Variants in EPHB2 observed in about 807,000 individuals in gnomAD.
EPHB2 encodes EPH receptor B2, also known as ephrin type-B receptor 2.
In EPHB2, 18 loss-of-function variants were observed where a neutral mutation model predicts 96.4. The observed-to-expected ratio is 0.19, with a 90% CI of 0.13 to 0.28. EPHB2 has a LOEUF of 0.28. Ranked by LOEUF, EPHB2 falls within the 10% of genes least tolerant of loss-of-function variation. The pLI is 1.00. For synonymous variants in EPHB2, 506 were observed against 534.1 expected, an observed-to-expected ratio of 0.95 and a Z score of 0.72; for missense variants, 989 against 1,355.4, an observed-to-expected ratio of 0.73 and a Z score of 4.25.
chr1:22,893,126 C>T (rs1639447342), intron 7 of EPHB2, 80 bp downstream of exon 7: 1 of 1,606,938 alleles, frequency 6.2e-7, no homozygotes, highest in South Asian at 1.1e-5. Context: ...TCTCATGAAG[C>T]ACCTTTGTGC....
chr1:22,761,572 G>C (rs553830910), intron 1 of EPHB2, among the ~76,000 whole-genome samples: 1 of 152,172 alleles, frequency 6.6e-6, no homozygotes, highest in Non-Finnish European at 1.5e-5. Context: ...CTGAGCCTCC[G>C]TTCCCTTGTC....
intron 1 of EPHB2, among the ~76,000 whole-genome samples, chr1:22,747,098 A>G (rs1643986847): frequency 6.6e-6 from 1 of 152,176 alleles, no homozygotes; most frequent in African/African-American, 2.4e-5. Flanking sequence ...TCACACAGCC[A>G]AACTCGGGTT....
At chr1:22,806,271 C>T (rs1434670574) in intron 3 of EPHB2, among the ~76,000 whole-genome samples, 2 of 152,242 alleles carry the variant, frequency 1.3e-5, no homozygotes, top group East Asian at 1.9e-4. Flanking sequence ...AGTGATGTAA[C>T]TTGCCCAAGT....
At chr1:22,736,463 C>T (rs1056176159) in intron 1 of EPHB2, among the ~76,000 whole-genome samples, 2 of 152,192 alleles carry the variant, frequency 1.3e-5, no homozygotes, top group African/African-American at 4.8e-5. Context: ...AGCCGAGGCT[C>T]TGTTTAGCAG....
At chr1:22,854,444 C>T (rs942889783) in intron 3 of EPHB2, among the ~76,000 whole-genome samples, 2 of 152,086 alleles carry the variant, frequency 1.3e-5, no homozygotes, top group African/African-American at 4.8e-5. Flanking sequence ...CCCAGGAAGT[C>T]GAGGCTGCAG....
At chr1:22,729,279 A>G in intron 1 of EPHB2, among the ~76,000 whole-genome samples, 1 of 152,288 alleles carries the variant, frequency 6.6e-6, no homozygotes, top group East Asian at 1.9e-4. Context: ...GAAGGAGATG[A>G]CCTTTTGTCT....
intron 5 of EPHB2, among the ~76,000 whole-genome samples, chr1:22,866,746 C>T (rs1638491873): frequency 6.6e-6 from 1 of 151,958 alleles, no homozygotes; most frequent in Non-Finnish European, 1.5e-5. Flanking sequence ...CCAACCTGGC[C>T]AACATGGTGA....
chr1:22,722,042 G>A (rs1228714755), intron 1 of EPHB2, among the ~76,000 whole-genome samples: 1 of 152,188 alleles, frequency 6.6e-6, no homozygotes. Context: ...CTGCCTCCCA[G>A]GTTCAAGCAA....
intron 5 of EPHB2, among the ~76,000 whole-genome samples, chr1:22,881,613 C>T (rs1051925035): frequency 6.8e-6 from 1 of 147,092 alleles, no homozygotes; most frequent in African/African-American, 2.7e-5. Context: ...CCACTCTTTG[C>T]GACAGAGTTT....
chr1:22,848,846 G>A (rs1570380903), intron 3 of EPHB2, among the ~76,000 whole-genome samples: 1 of 152,168 alleles, frequency 6.6e-6, no homozygotes, highest in African/African-American at 2.4e-5. Context: ...GGGGGATACA[G>A]TGGTTCTGGA....
intron 1 of EPHB2, among the ~76,000 whole-genome samples, chr1:22,747,624 G>A (rs1643994830): frequency 6.6e-6 from 1 of 152,226 alleles, no homozygotes; most frequent in Non-Finnish European, 1.5e-5. Flanking sequence ...AGCTGGCATT[G>A]CCAGACCCCC....
At chr1:22,848,246 T>C (rs1324588308) in intron 3 of EPHB2, among the ~76,000 whole-genome samples, 2 of 152,096 alleles carry the variant, frequency 1.3e-5, no homozygotes, top group Non-Finnish European at 2.9e-5. Context: ...CTAGGGAATT[T>C]TCCAGGACAA....
Position 22,722,845 on chromosome 1 carries a change from C to T in EPHB2, c.61+11802C>T, listed in dbSNP as rs534402107. Among the ~76,000 whole-genome samples the T allele has an allele frequency of 1.3e-3, 196 of 152,314 alleles. No homozygotes were observed. In the Middle Eastern group the frequency reaches 0.014, roughly 11 times the overall value. The stretch of plus-strand genomic sequence containing the variant: ...AACTATACAATGAGGTTAGACAAGG[C>T]GTCCTGGAAGAGGCGACTTCTAAGA... On this transcript the variant is annotated intron_variant, in intron 1 of 15. Transcript: ENST00000374630.
rs188664541 is a variant in EPHB2 at position 22,797,422 on chromosome 1, C to A, written c.811+12346C>A. Reference sequence around the variant, plus strand: ...TCACTGGCTCCCAGGGTCCCACCCCCCTCCACCTCTCGCTCTGAGCCCTTT... The same window carrying A: ...TCACTGGCTCCCAGGGTCCCACCCCACTCCACCTCTCGCTCTGAGCCCTTT... On this transcript the variant is annotated intron_variant, in intron 3 of 15. Transcript: ENST00000374630. Among the ~76,000 whole-genome samples the A allele has an allele frequency of 5.5e-3, 835 of 152,276 alleles. 2 individuals carry two copies. The highest frequency in any genetic ancestry group is 9.8e-3 in the Non-Finnish European group (665 of 68,022).
chr1:22,762,278 G>C (rs1644245822), intron 1 of EPHB2, among the ~76,000 whole-genome samples: 1 of 152,172 alleles, frequency 6.6e-6, no homozygotes, highest in African/African-American at 2.4e-5. Flanking sequence ...AGGAGAAAAT[G>C]GAATTGGGGC....
chr1:22,891,159 C>T (rs1307224635), intron 6 of EPHB2: 2 of 455,888 alleles, frequency 4.4e-6, no homozygotes, highest in Admixed American at 4.7e-5. Flanking sequence ...AGGAACTTGC[C>T]CAAGGTCACA....
At chr1:22,749,165 C>G (rs1428236805) in intron 1 of EPHB2, among the ~76,000 whole-genome samples, 1 of 151,850 alleles carries the variant, frequency 6.6e-6, no homozygotes. Context: ...GGACTACAGG[C>G]AGGTGCCACC....
intron 5 of EPHB2, among the ~76,000 whole-genome samples, chr1:22,880,633 A>G (rs1197954441): frequency 1.3e-5 from 2 of 152,240 alleles, no homozygotes; most frequent in African/African-American, 4.8e-5. Flanking sequence ...CTCTGGCAAG[A>G]TGCAGACCTG....
rs1306520370 is a variant in EPHB2 at position 22,906,100 on chromosome 1, A to T, written c.1879A>T (p.Ile627Phe). ...DISCVKIEQV[I>F]GAGEFGEVCS... is the part of the protein sequence containing the mutation. ...CTCCTGTGTCAAAATTGAGCAGGTG[A>T]TCGGAGCAGGTAGGTGGCTGGTACT... The change falls in exon 10 of 16, where the codon ATC (isoleucine) becomes TTC (phenylalanine). Residue 627 changes from isoleucine to phenylalanine, a missense_variant. Physicochemically the swap from Ile to Phe is conservative, Grantham distance 21. Coordinates refer to ENST00000374630, the MANE Select transcript of EPHB2 (RefSeq NM_017449.5). This position sits in a 1 kb window ranked among gnomAD's most constrained non-coding sequence, Gnocchi z 4.8. The T allele has an allele frequency of 6.2e-7, 1 of 1,614,170 alleles. No individual in the cohort carries two copies. Among genetic ancestry groups the T allele is most frequent in the Non-Finnish European group, 8.5e-7 (1 of 1,180,028 alleles).
Sources: allele counts gnomAD v4.1 joint callset (sites outside exome capture counted in the v4.1 genomes callset), GRCh38; gene constraint gnomAD v4.1.1; non-coding constraint Gnocchi (gnomAD v3.1); transcripts MANE v1.5; gene names NCBI Gene and HGNC (gene_info 2026-07-23, HGNC 2026-07-21).